Variants in MYH11 observed in about 807,000 individuals in gnomAD.
MYH11 encodes the protein myosin heavy chain 11, also known as myosin-11.
A neutral mutation model predicts 246.6 loss-of-function variants in MYH11; 80 were observed. That is an observed-to-expected ratio of 0.32 (90% CI 0.27 to 0.39). The LOEUF is 0.39. Ranked by LOEUF, MYH11 falls within the 10% of genes least tolerant of loss-of-function variation. The pLI is 1.00. For missense variants in MYH11, 2,158 were observed against 2,546.8 expected (o/e 0.85, Z 3.29); for synonymous variants, 1,071 against 1,015.5 (o/e 1.05, Z -1.04).
chr16:15,719,462 T>C, intron 35 of MYH11, 123 bp downstream of exon 35: 10 of 1,536,798 alleles, frequency 6.5e-6, no homozygotes, highest in Non-Finnish European at 8.0e-6. Context: ...AGCGTGTGTC[T>C]TTCTAGACAG....
intron 4 of MYH11, among the ~76,000 whole-genome samples, chr16:15,793,393 A>G (rs527794493): frequency 2.6e-5 from 4 of 151,682 alleles, no homozygotes; most frequent in Admixed American, 2.0e-4. Context: ...CCCAAGCTCA[A>G]GTGATCCTCC....
At chr16:15,792,838 C>A (rs779057178) in intron 4 of MYH11, 22 of 152,114 alleles carry the variant, frequency 1.4e-4, no homozygotes, top group African/African-American at 4.1e-4. Context: ...CTCAGTGAAC[C>A]GAGATCCTCC....
At chr16:15,831,394 T>C (rs2043731501) in intron 2 of MYH11, among the ~76,000 whole-genome samples, 1 of 151,766 alleles carries the variant, frequency 6.6e-6, no homozygotes, top group Non-Finnish European at 1.5e-5. Flanking sequence ...GAAAAAACTA[T>C]AAGGTAGGGT....
chr16:15,728,599 GA>G (rs200146536), intron 27 of MYH11, among the ~76,000 whole-genome samples: 2 of 151,184 alleles, frequency 1.3e-5, no homozygotes, highest in Non-Finnish European at 1.5e-5. Context: ...TGCCCTACAG[GA>G]AAAAAAAAGT....
At chr16:15,706,378 C>T (rs1340444041) in intron 40 of MYH11, among the ~76,000 whole-genome samples, 10 of 152,146 alleles carry the variant, frequency 6.6e-5, no homozygotes, top group Admixed American at 1.3e-4. Flanking sequence ...CCCCACACAG[C>T]TCTCTTCGTC....
intron 27 of MYH11, among the ~76,000 whole-genome samples, chr16:15,730,787 C>T (rs770813011): frequency 2.6e-5 from 4 of 152,134 alleles, no homozygotes; most frequent in Non-Finnish European, 5.9e-5. Context: ...AAAAAACTTA[C>T]CCTGGGGAAT....
intron 40 of MYH11, among the ~76,000 whole-genome samples, chr16:15,709,364 G>A (rs2039651476): frequency 1.3e-5 from 2 of 151,880 alleles, no homozygotes; most frequent in South Asian, 4.2e-4. Context: ...AGGATGGAGT[G>A]CACTGGCATG....
At chr16:15,811,688 G>T (rs935327159) in intron 3 of MYH11, among the ~76,000 whole-genome samples, 1 of 152,020 alleles carries the variant, frequency 6.6e-6, no homozygotes, top group Non-Finnish European at 1.5e-5. Context: ...ATCTCAAGCA[G>T]AAGGATACAG....
chr16:15,763,741 T>TGGGGGCCCCCCCCCC, intron 10 of MYH11, 55 bp downstream of exon 10: 4 of 646,854 alleles, frequency 6.2e-6, no homozygotes, highest in East Asian at 3.2e-5. Context: ...AAATGTCACC[T>TGGGGGCCCCCCCCCC]CCCCCACCCC....
intron 4 of MYH11, among the ~76,000 whole-genome samples, chr16:15,793,071 C>T (rs1445827115): frequency 6.6e-6 from 1 of 152,068 alleles, no homozygotes; most frequent in East Asian, 1.9e-4. Context: ...AACTCCTCCC[C>T]AGGGCCTGGA....
chr16:15,706,494 G>A (rs1379059823), intron 40 of MYH11, among the ~76,000 whole-genome samples: 1 of 152,162 alleles, frequency 6.6e-6, no homozygotes, highest in African/African-American at 2.4e-5. Context: ...TCACTCGTGA[G>A]GTCAGTTGTT....
chr16:15,804,902 C>A (rs1264500495), intron 3 of MYH11, among the ~76,000 whole-genome samples: 1 of 152,210 alleles, frequency 6.6e-6, no homozygotes, highest in Non-Finnish European at 1.5e-5. Flanking sequence ...TTTATCCATT[C>A]AACAGTTGAC....
At chr16:15,736,498 C>CA (rs1484057119) in intron 25 of MYH11, among the ~76,000 whole-genome samples, 2 of 152,130 alleles carry the variant, frequency 1.3e-5, no homozygotes, top group Non-Finnish European at 2.9e-5. Flanking sequence ...ATGTTGGTCT[C>CA]AAACTGCTGG....
Position 15,703,801 on chromosome 16 carries a change from T to C in MYH11, c.*190A>G. 1 of 758,464 alleles carries C rather than the reference T, an allele frequency of 1.3e-6. No individual in the cohort carries two copies. The highest frequency in any genetic ancestry group is 2.7e-5 in the East Asian group (1 of 37,172). The allele number at this position is 758,464 out of a possible 1,614,324, so 47.0% of individuals were successfully genotyped here. ...TGAGGTTTTACTACGTTGCCCAGGCTGGAGGGTGGTGGTTTTTATATTCCT... is the reference window on the plus strand; with the variant it reads ...TGAGGTTTTACTACGTTGCCCAGGCCGGAGGGTGGTGGTTTTTATATTCCT... On this transcript the variant is annotated 3_prime_UTR_variant, in exon 41 of 41. Transcript: ENST00000300036.
At chr16:15,802,728 C>T (rs562818931) in intron 3 of MYH11, among the ~76,000 whole-genome samples, 2 of 152,016 alleles carry the variant, frequency 1.3e-5, no homozygotes, top group East Asian at 1.9e-4. Context: ...GGATTACAGG[C>T]GTGAGCCACT....
rs2151299059 is a variant in MYH11, at chr16:15,778,829, G to A, written c.741C>T (p.Arg247=). 6.2e-7 allele frequency: 1 copy of A among 1,614,110 alleles called. No homozygotes were observed. Among genetic ancestry groups the A allele is most frequent in the Non-Finnish European group, 8.5e-7 (1 of 1,180,026 alleles). ...TGTAACCCGTGACGTCGAAGTTGATGCGGATGAATTTGCCCTGCCAACAGG... is the reference window on the plus strand; with the variant it reads ...TGTAACCCGTGACGTCGAAGTTGATACGGATGAATTTGCCCTGCCAACAGG... ...DNSSRFGKFI[R]INFDVTGYIV... The change falls in exon 7 of 41, where the codon CGC becomes CGT. Residue 247 remains arginine (R), a synonymous_variant. Transcript: ENST00000300036.
intron 28 of MYH11, chr16:15,725,927 G>C (rs1422985052): frequency 2.7e-6 from 1 of 375,046 alleles, no homozygotes; most frequent in Admixed American, 4.6e-5. Context: ...CTGGGTACAA[G>C]CTCCCCCTCC....
intron 3 of MYH11, among the ~76,000 whole-genome samples, chr16:15,803,105 C>G (rs2042926022): frequency 6.6e-6 from 1 of 151,658 alleles, no homozygotes; most frequent in African/African-American, 2.4e-5. Context: ...CCACTGCACT[C>G]CAGCCTGGGC....
At chr16:15,723,649 A>G (rs2040599082) in intron 31 of MYH11, among the ~76,000 whole-genome samples, 1 of 152,142 alleles carries the variant, frequency 6.6e-6, no homozygotes, top group Non-Finnish European at 1.5e-5. Flanking sequence ...CTGTCTCAAA[A>G]TAAGTATCTG....
Sources: allele counts gnomAD v4.1 joint callset (sites outside exome capture counted in the v4.1 genomes callset), GRCh38; gene constraint gnomAD v4.1.1; transcripts MANE v1.5; gene names NCBI Gene and HGNC (gene_info 2026-07-23, HGNC 2026-07-21).